Variants in ELOVL6 observed in about 807,000 individuals in gnomAD.
The protein encoded by ELOVL6 is very long chain fatty acid elongase 6.
Under a neutral mutation model 31.7 loss-of-function variants are expected in ELOVL6, and 8 were observed. That is an observed-to-expected ratio of 0.25 (90% CI 0.15 to 0.45). The LOEUF is 0.45. ELOVL6 is among the 20% of genes least tolerant of loss of function. ELOVL6 has a pLI of 1.00. For missense variants in ELOVL6, 126 were observed against 326.4 expected (o/e 0.39, Z 4.73); for synonymous variants, 101 against 117.7 (o/e 0.86, Z 0.92).
At chr4:110,069,999 C>A (rs1755423062) in intron 2 of ELOVL6, among the ~76,000 whole-genome samples, 1 of 152,190 alleles carries the variant, frequency 6.6e-6, no homozygotes, top group East Asian at 1.9e-4. Context: ...AGAACGGTGC[C>A]TTTCTGTACA....
intron 2 of ELOVL6, among the ~76,000 whole-genome samples, chr4:110,079,020 A>G (rs1755746897): frequency 2.0e-5 from 3 of 152,214 alleles, no homozygotes; most frequent in Admixed American, 2.0e-4. Flanking sequence ...TAAAGGGATC[A>G]ATTCAACAAG....
intron 1 of ELOVL6, among the ~76,000 whole-genome samples, chr4:110,114,500 C>A (rs1757122854): frequency 6.6e-6 from 1 of 152,104 alleles, no homozygotes. Flanking sequence ...CTAATTTCTA[C>A]TAAATGTAGA....
intron 1 of ELOVL6, among the ~76,000 whole-genome samples, chr4:110,126,235 G>A (rs901844848): frequency 6.6e-6 from 1 of 152,056 alleles, no homozygotes; most frequent in African/African-American, 2.4e-5. Flanking sequence ...GTAGAGATGA[G>A]GTTTTGCCAT....
intron 2 of ELOVL6, among the ~76,000 whole-genome samples, chr4:110,101,468 G>A (rs952216751): frequency 7.3e-5 from 11 of 151,338 alleles, no homozygotes; most frequent in Admixed American, 6.6e-4. Context: ...ATGAACATGT[G>A]TACGTATATT....
chr4:110,189,848 T>TC (rs1394253767), intron 1 of ELOVL6, among the ~76,000 whole-genome samples: 8 of 151,628 alleles, frequency 5.3e-5, no homozygotes, highest in African/African-American at 1.5e-4. Context: ...GCGCCTGTAG[T>TC]CCCAGCTACT....
Position 110,169,243 on chromosome 4 carries a change from G to GTT in ELOVL6, c.89+29002_89+29003dup, listed in dbSNP as rs1244510218. Among the ~76,000 whole-genome samples, 52 of 137,908 alleles carry GTT rather than the reference G, an allele frequency of 3.8e-4. 1 individual carries two copies. The highest frequency in any genetic ancestry group is 7.6e-4 in the African/African-American group (28 of 36,792). 90.5% of individuals were successfully genotyped at this position (137,908 alleles called of 152,430 possible). ...ACAGAGTTTTGGGGTTTTTTGTTTT[G>GTT]TTTTTTTTTTTTTGAGACGGAGTCT... On this transcript the variant is annotated intron_variant, in intron 1 of 3. Transcript: ENST00000302274.
At chr4:110,198,029 A>C in intron 1 of ELOVL6, 1 of 608,410 alleles carries the variant, frequency 1.6e-6, no homozygotes, top group Non-Finnish European at 2.9e-6. Context: ...ATGCCTATGT[A>C]GCCGCGGTTC....
intron 2 of ELOVL6, among the ~76,000 whole-genome samples, chr4:110,069,851 C>A (rs1438941164): frequency 6.6e-6 from 1 of 152,102 alleles, no homozygotes; most frequent in Non-Finnish European, 1.5e-5. Context: ...ACTTGGGAGC[C>A]CCTGTGGGTC....
At chr4:110,172,791 C>G (rs1364046119) in intron 1 of ELOVL6, among the ~76,000 whole-genome samples, 1 of 152,150 alleles carries the variant, frequency 6.6e-6, no homozygotes, top group African/African-American at 2.4e-5. Context: ...CTGCTAAGAG[C>G]TTTTAAGTCT....
intron 1 of ELOVL6, among the ~76,000 whole-genome samples, chr4:110,117,359 A>C (rs981410390): frequency 6.6e-6 from 1 of 152,190 alleles, no homozygotes; most frequent in African/African-American, 2.4e-5. Context: ...GATTGGGGTG[A>C]TACCACTTAT....
intron 1 of ELOVL6, among the ~76,000 whole-genome samples, chr4:110,153,818 A>G (rs1031700222): frequency 6.6e-6 from 1 of 152,224 alleles, no homozygotes; most frequent in Non-Finnish European, 1.5e-5. Context: ...CATTCCTGAA[A>G]TAACTAGAAG....
At position 110,084,738 on chromosome 4, in the gene ELOVL6, G is replaced by A. The variant is rs186164253; in HGVS notation, c.221+20759C>T. Among the ~76,000 whole-genome samples, 388 of 150,374 alleles carry A rather than the reference G, an allele frequency of 2.6e-3. 2 individuals carry two copies. The highest frequency in any genetic ancestry group is 8.8e-3 in the African/African-American group (360 of 40,704). ...GCCTCCTGAGTAGCTGGGGCTACAG[G>A]TGCGTGCCACCACACCTGGCTAATT... On this transcript the variant is annotated intron_variant, in intron 2 of 3. Coordinates refer to ENST00000302274, the MANE Select transcript of ELOVL6 (RefSeq NM_024090.3).
intron 1 of ELOVL6, among the ~76,000 whole-genome samples, chr4:110,135,764 G>C (rs2096960790): frequency 6.6e-6 from 1 of 152,164 alleles, no homozygotes; most frequent in African/African-American, 2.4e-5. Context: ...GTCTGATCCA[G>C]TGCCAGGCAC....
chr4:110,124,066 G>A (rs1465092186), intron 1 of ELOVL6, among the ~76,000 whole-genome samples: 2 of 152,158 alleles, frequency 1.3e-5, no homozygotes, highest in South Asian at 2.1e-4. Flanking sequence ...CAGATTAGAA[G>A]GTACCACGGT....
intron 1 of ELOVL6, among the ~76,000 whole-genome samples, chr4:110,196,253 T>TGGA (rs1560868083): frequency 2.0e-5 from 3 of 152,052 alleles, no homozygotes; most frequent in African/African-American, 7.2e-5. Flanking sequence ...ACGCAGCAAG[T>TGGA]CAGAGATTCG....
intron 1 of ELOVL6, among the ~76,000 whole-genome samples, chr4:110,105,841 A>C (rs1489617518): frequency 1.3e-5 from 2 of 152,192 alleles, no homozygotes; most frequent in Non-Finnish European, 2.9e-5. Flanking sequence ...CAACATATTA[A>C]GTATCATGTC....
rs575649242 is a variant in ELOVL6 at position 110,049,885 on chromosome 4, A to T, written c.*1453T>A. On this transcript the variant is annotated 3_prime_UTR_variant, in exon 4 of 4. Coordinates refer to ENST00000302274, the MANE Select transcript of ELOVL6 (RefSeq NM_024090.3). ...TGAAATATTACAGAGAATATTATCC[A>T]GCTTTTTTTTTTTAAAGAATATGGC... is the stretch of plus-strand genomic sequence containing the variant. 4.8e-4 allele frequency: 71 copies of T among 149,062 alleles called. No homozygotes were observed. Among genetic ancestry groups the T allele is most frequent in the Non-Finnish European group, 8.7e-4 (59 of 67,602 alleles). 9.2% of individuals were successfully genotyped at this position (149,062 alleles called of 1,614,324 possible).
intron 2 of ELOVL6, among the ~76,000 whole-genome samples, chr4:110,090,765 C>T (rs776183158): frequency 2.0e-5 from 3 of 151,900 alleles, no homozygotes; most frequent in Non-Finnish European, 2.9e-5. Context: ...CCACCATGCC[C>T]GGCTAATTTT....
chr4:110,084,556 A>ATATATATT (rs1208053354), intron 2 of ELOVL6, among the ~76,000 whole-genome samples: 1 of 67,512 alleles, frequency 1.5e-5, no homozygotes, highest in East Asian at 5.4e-4. Flanking sequence ...ACACACACAC[A>ATATATATT]CACACAGATA....
Sources: gnomAD v4.1 joint callset for allele counts (sites outside exome capture counted in the v4.1 genomes callset) on GRCh38, gnomAD v4.1.1 for gene constraint, MANE v1.5 for transcripts, NCBI Gene and HGNC (gene_info 2026-07-23, HGNC 2026-07-21) for gene names.